Variants in SH3D19 observed in about 807,000 individuals in gnomAD.
SH3D19 encodes SH3 domain-containing protein 19.
A neutral mutation model predicts 112.1 loss-of-function variants in SH3D19; 58 were observed. The ratio of observed to expected loss-of-function variants is 0.52; its 90% CI spans 0.42 to 0.64. The LOEUF is 0.64. Ranked by LOEUF, SH3D19 falls within the 30% of genes least tolerant of loss-of-function variation. The probability of loss-of-function intolerance (pLI) is 0.00; values close to 1 mark genes in which losing one functional copy is unlikely to be tolerated. For synonymous variants in SH3D19, 391 were observed against 448.5 expected, an observed-to-expected ratio of 0.87 and a Z score of 1.62; for missense variants, 1,090 against 1,263.4, an observed-to-expected ratio of 0.86 and a Z score of 2.08.
At chr4:151,133,790 ACC>A (rs1247541071) in intron 15 of SH3D19, among the ~76,000 whole-genome samples, 1 of 152,142 alleles carries the variant, frequency 6.6e-6, no homozygotes, top group African/African-American at 2.4e-5. Flanking sequence ...CTTGGAACTA[ACC>A]CTGTTGCCTT....
chr4:151,132,035 G>A (rs1407727723), intron 17 of SH3D19, among the ~76,000 whole-genome samples: 1 of 151,730 alleles, frequency 6.6e-6, no homozygotes, highest in African/African-American at 2.4e-5. Context: ...TGTTGGCCAG[G>A]CTGGTCTCGA....
At chr4:151,130,855 C>G (rs140353964) in intron 17 of SH3D19, among the ~76,000 whole-genome samples, 43 of 151,730 alleles carry the variant, frequency 2.8e-4, no homozygotes, top group African/African-American at 1.0e-3. Flanking sequence ...TCAGGAGAAT[C>G]ACTTGAAGCC....
intron 17 of SH3D19, 131 bp from the exon 18 acceptor site, chr4:151,128,487 A>C: frequency 1.7e-6 from 1 of 596,538 alleles, no homozygotes; most frequent in East Asian, 3.0e-5. Context: ...GGCTTCTTTA[A>C]ATTATCTAAT....
At chr4:151,217,735 T>C (rs1370997825) in intron 2 of SH3D19, among the ~76,000 whole-genome samples, 3 of 152,166 alleles carry the variant, frequency 2.0e-5, no homozygotes, top group African/African-American at 7.2e-5. Context: ...AAGATGCTTA[T>C]TGCAACATCA....
intron 14 of SH3D19, among the ~76,000 whole-genome samples, chr4:151,137,308 A>G (rs991678272): frequency 6.6e-6 from 1 of 152,230 alleles, no homozygotes; most frequent in African/African-American, 2.4e-5. Context: ...TAAGAATGGA[A>G]AAGATGAAAG....
intron 1 of SH3D19, among the ~76,000 whole-genome samples, chr4:151,264,339 G>T (rs778163695): frequency 2.0e-5 from 3 of 151,462 alleles, no homozygotes; most frequent in Non-Finnish European, 4.4e-5. Context: ...GCTGAGGTAG[G>T]GGGAGAATCG....
Position 151,128,150 on chromosome 4 carries a change from A to G in SH3D19, c.2929+20T>C. On this transcript the variant is annotated intron_variant, in intron 18 of 19. Coordinates refer to ENST00000604030, the MANE Select transcript of SH3D19 (RefSeq NM_001378122.1). ...AGGCTCCCCGTGAGGAGTCGCATTCATGTCTTGCGGTTGTCATACCTGGGC... is the reference window on the plus strand; with the variant it reads ...AGGCTCCCCGTGAGGAGTCGCATTCGTGTCTTGCGGTTGTCATACCTGGGC... 3 of 1,571,398 alleles carry G rather than the reference A, an allele frequency of 1.9e-6. No homozygotes were observed. The highest frequency in any genetic ancestry group is 2.6e-6 in the Non-Finnish European group (3 of 1,159,000).
intron 9 of SH3D19, among the ~76,000 whole-genome samples, chr4:151,152,254 A>G (rs533099950): frequency 6.6e-6 from 1 of 152,188 alleles, no homozygotes; most frequent in Non-Finnish European, 1.5e-5. Context: ...TCTTTGCAAG[A>G]TAACTGATTA....
rs528874276 is a variant in SH3D19 at position 151,187,864 on chromosome 4, G to A, written c.153-401C>T. Among the ~76,000 whole-genome samples the A allele has an allele frequency of 2.0e-5, 3 of 152,142 alleles. No homozygotes were observed. In the East Asian group the frequency reaches 5.8e-4, roughly 29 times the overall value. ...CACATCAAAGTACATAATCTATATA[G>A]TCAATTTGACCTAAGGAACAACAGC... On this transcript the variant is annotated intron_variant, in intron 2 of 19. Coordinates refer to ENST00000604030, the MANE Select transcript of SH3D19 (RefSeq NM_001378122.1).
intron 7 of SH3D19, among the ~76,000 whole-genome samples, chr4:151,167,790 C>A (rs970363704): frequency 1.3e-5 from 2 of 150,424 alleles, no homozygotes; most frequent in African/African-American, 4.9e-5. Context: ...AAGTGAGGAG[C>A]GCCTCTGCCT....
chr4:151,174,576 A>C, intron 7 of SH3D19, 94 bp downstream of exon 7: 1 of 1,198,366 alleles, frequency 8.3e-7, no homozygotes, highest in Non-Finnish European at 1.1e-6. Flanking sequence ...CACACACCTC[A>C]ATAACTTATG....
At chr4:151,183,466 A>G (rs764501756) in intron 3 of SH3D19, among the ~76,000 whole-genome samples, 7 of 152,180 alleles carry the variant, frequency 4.6e-5, no homozygotes, top group Non-Finnish European at 8.8e-5. Flanking sequence ...TTCACAGAGG[A>G]GAAGACTGAG....
At chr4:151,212,023 A>G (rs1180433571) in intron 2 of SH3D19, among the ~76,000 whole-genome samples, 2 of 152,252 alleles carry the variant, frequency 1.3e-5, no homozygotes, top group Non-Finnish European at 2.9e-5. Flanking sequence ...AGAAGGTGCC[A>G]TCTAGGACTT....
chr4:151,129,906 T>A (rs2149732119), intron 17 of SH3D19, among the ~76,000 whole-genome samples: 1 of 152,280 alleles, frequency 6.6e-6, no homozygotes, highest in South Asian at 2.1e-4. Flanking sequence ...CAAACAACAC[T>A]AACCCCCTCT....
At chr4:151,136,069 A>G (rs1270902410) in intron 14 of SH3D19, among the ~76,000 whole-genome samples, 1 of 152,204 alleles carries the variant, frequency 6.6e-6, no homozygotes, top group African/African-American at 2.4e-5. Context: ...TTTATAACTG[A>G]AATATTTTCC....
intron 2 of SH3D19, among the ~76,000 whole-genome samples, chr4:151,190,122 T>G (rs1762397959): frequency 6.6e-6 from 1 of 152,200 alleles, no homozygotes; most frequent in South Asian, 2.1e-4. Context: ...CCTAGAGATT[T>G]GTGGAACTCT....
chr4:151,285,839 C>A (rs965121661), intron 1 of SH3D19, among the ~76,000 whole-genome samples: 1 of 151,860 alleles, frequency 6.6e-6, no homozygotes, highest in African/African-American at 2.4e-5. Flanking sequence ...TGCACTCCAG[C>A]CAGGACAACA....
chr4:151,277,206 CT>C, intron 1 of SH3D19: 1 of 1,503,738 alleles, frequency 6.7e-7, no homozygotes, highest in Non-Finnish European at 9.0e-7. Context: ...CACGCTGCTC[CT>C]TCTGCTGGGG....
chr4:151,176,700 G>C lies in SH3D19; in HGVS notation c.376-13C>G, dbSNP rs1760003220. On this transcript the variant is annotated splice_polypyrimidine_tract_variant and intron_variant, in intron 5 of 19. Coordinates refer to ENST00000604030, the MANE Select transcript of SH3D19 (RefSeq NM_001378122.1). ...AAGATGGTGGGAGCTGAAAAGTAAA[G>C]AATGAAGATTTTAGACATCTAAGGG... The C allele has an allele frequency of 1.6e-6, 2 of 1,231,912 alleles. No homozygotes were observed. Among genetic ancestry groups the C allele is most frequent in the Non-Finnish European group, 2.0e-6 (2 of 987,724 alleles). 76.3% of individuals were successfully genotyped at this position (1,231,912 alleles called of 1,614,324 possible).
Sources: allele counts gnomAD v4.1 joint callset (sites outside exome capture counted in the v4.1 genomes callset), GRCh38; gene constraint gnomAD v4.1.1; transcripts MANE v1.5; gene names NCBI Gene and HGNC (gene_info 2026-07-23, HGNC 2026-07-21).